Variants in CDK4 observed in about 807,000 individuals in gnomAD.
CDK4 encodes the protein cyclin dependent kinase 4, also known as cyclin-dependent kinase 4.
Under a neutral mutation model 36.7 loss-of-function variants are expected in CDK4, and 13 were observed. The observed-to-expected ratio is 0.35, with a 90% CI of 0.23 to 0.56. CDK4 has a LOEUF of 0.56. Among genes scored for constraint, CDK4 ranks in the 20% least tolerant of loss-of-function variants. The pLI is 0.85. For missense variants in CDK4, 285 were observed against 387.3 expected (o/e 0.74, Z 2.22); for synonymous variants, 158 against 146.4 (o/e 1.08, Z -0.57).
intron 5 of CDK4, 32 bp downstream of exon 5, chr12:57,750,624 T>A (rs1317278163): frequency 5.6e-6 from 8 of 1,440,712 alleles, no homozygotes; most frequent in Non-Finnish European, 6.9e-6. Flanking sequence ...TTTGGGGAAT[T>A]CAAGGTAGTC....
chr12:57,749,514 G>A lies in CDK4; in HGVS notation c.633-10C>T. 1 of 1,613,812 alleles carries A rather than the reference G, an allele frequency of 6.2e-7. No homozygotes were observed. The highest frequency in any genetic ancestry group is 1.1e-5 in the South Asian group (1 of 91,080). ...TCCACAGAAGAGAGGCCTAAGGTGAGAAGGGATATAAGGTAGCAGTCATTT... is the reference window on the plus strand; with the variant it reads ...TCCACAGAAGAGAGGCCTAAGGTGAAAAGGGATATAAGGTAGCAGTCATTT... On this transcript the variant is annotated splice_polypyrimidine_tract_variant and intron_variant, in intron 5 of 7. Coordinates refer to ENST00000257904, the MANE Select transcript of CDK4 (RefSeq NM_000075.4).
Position 57,749,294 on chromosome 12 carries a change from T to A in CDK4, c.707A>T (p.Asp236Val), listed in dbSNP as rs1403703683. 6.2e-7 allele frequency: 1 copy of A among 1,614,160 alleles called. No homozygotes were observed. The highest frequency in any genetic ancestry group is 1.7e-5 in the Admixed American group (1 of 60,022). Reference protein sequence around the residue: ...IFDLIGLPPEDDWPRDVSLPR... With the variant: ...IFDLIGLPPEVDWPRDVSLPR... ...CAGGGATACATCTCGAGGCCAGTCA[T>A]CCTCTGGAGGCAGCCCAATCAGGCT... Residue 236 changes from aspartate to valine, a missense_variant, in exon 7 of 8, where the codon GAT becomes GTT. Transcript: ENST00000257904.
chr12:57,750,513 G>T, intron 5 of CDK4, 143 bp downstream of exon 5: 1 of 728,148 alleles, frequency 1.4e-6, no homozygotes, highest in Non-Finnish European at 2.5e-6. Flanking sequence ...GCTGCAGTGA[G>T]CTGTGATCAT....
At chr12:57,748,915 A>G in intron 7 of CDK4, 1 of 557,582 alleles carries the variant, frequency 1.8e-6, no homozygotes. Context: ...CATGTTGGCC[A>G]GGCTGGTCTC....
intron 7 of CDK4, 68 bp downstream of exon 7, chr12:57,749,114 C>T (rs1013477812): frequency 1.3e-6 from 2 of 1,596,508 alleles, no homozygotes; most frequent in Non-Finnish European, 1.7e-6. Context: ...GGCCAGGGCC[C>T]TGCATACTGC....
intron 1 of CDK4, 89 bp downstream of exon 1, chr12:57,752,086 C>T: frequency 2.8e-6 from 1 of 359,022 alleles, no homozygotes; most frequent in South Asian, 2.4e-5. Context: ...TTGAGCGACC[C>T]TTCCATAACC....
Position 57,751,890 on chromosome 12 carries a change from TAACAC to T in CDK4, c.-19-159_-19-155del. On this transcript the variant is annotated intron_variant, in intron 1 of 7. Transcript: ENST00000257904. This position sits in a 1 kb window ranked among gnomAD's most constrained non-coding sequence, Gnocchi z 4.5. ...TCTTCCTTGGGGCCGGCCCCAGAGA[TAACAC>T]AATGACTCAATACCAACCCCTCCAG... 2 of 660,384 alleles carry T rather than the reference TAACAC, an allele frequency of 3.0e-6. No homozygotes were observed. The highest frequency in any genetic ancestry group is 2.7e-6 in the Non-Finnish European group (1 of 372,462). 40.9% of individuals were successfully genotyped at this position (660,384 alleles called of 1,614,324 possible).
chr12:57,752,014 T>TC (rs1349256640), intron 1 of CDK4, 161 bp downstream of exon 1: 1 of 480,994 alleles, frequency 2.1e-6, no homozygotes, highest in Non-Finnish European at 3.8e-6. Context: ...GCATCGAAGA[T>TC]CCTACACCTC....
rs1555201266 is a variant in CDK4, at chr12:57,750,676, A to G, written c.612T>C (p.Phe204=). 6.2e-7 allele frequency: 1 copy of G among 1,613,720 alleles called. No individual in the cohort carries two copies. Residue 204 remains phenylalanine, a synonymous_variant, in exon 5 of 8, where the codon TTT becomes TTC. Coordinates refer to ENST00000257904, the MANE Select transcript of CDK4 (RefSeq NM_000075.4). ...CATACTTTCGACGAAACATCTCTGC[A>G]AAGATACAGCCAACACTCCACATGT... is the stretch of plus-strand genomic sequence containing the variant. ...PVDMWSVGCI[F]AEMFRRKPLF... is the part of the protein sequence containing the mutation.
Position 57,750,987 on chromosome 12 carries a change from G to T in CDK4, c.458C>A (p.Thr153Lys), listed in dbSNP as rs1443076952. 1 of 1,614,044 alleles carries T rather than the reference G, an allele frequency of 6.2e-7. No homozygotes were observed. The highest frequency in any genetic ancestry group is 2.2e-5 in the East Asian group (1 of 44,874). Residue 153 changes from threonine (T) to lysine (K), a missense_variant, in exon 4 of 8, where the codon ACA (threonine) becomes AAA (lysine). Physicochemically the swap from Thr to Lys is moderately conservative, Grantham distance 78. Coordinates refer to ENST00000257904, the MANE Select transcript of CDK4 (RefSeq NM_000075.4). The stretch of plus-strand genomic sequence containing the variant: ...CAGGCCAAAGTCAGCCAGCTTGACT[G>T]TTCCACCACTTGTCACCAGAATGTT... ...PENILVTSGG[T>K]VKLADFGLAR...
chr12:57,748,264 T>A lies in CDK4; in HGVS notation c.*261A>T. On this transcript the variant is annotated 3_prime_UTR_variant, in exon 8 of 8. Transcript: ENST00000257904. ...CATTATTTCTTTGTTTTGTTTTTCCTGTATAAAAAAGGACCCCAAATATAA... is the reference window on the plus strand; with the variant it reads ...CATTATTTCTTTGTTTTGTTTTTCCAGTATAAAAAAGGACCCCAAATATAA... 7.6e-6 allele frequency: 3 copies of A among 394,348 alleles called. No individual in the cohort carries two copies. Among genetic ancestry groups the A allele is most frequent in the Non-Finnish European group, 1.4e-5 (3 of 213,686 alleles). The allele number at this position is 394,348 out of a possible 1,614,324, so 24.4% of individuals were successfully genotyped here.
At chr12:57,749,347 A>G (rs1955203661) in intron 6 of CDK4, 30 bp from the exon 7 acceptor site, 1 of 1,614,096 alleles carries the variant, frequency 6.2e-7, no homozygotes, top group Non-Finnish European at 8.5e-7. Flanking sequence ...TCTGGTCAGG[A>G]GGGTCCTCCA....
In CDK4 at chr12:57,752,265, A is replaced by G; in HGVS notation, c.-110T>C. 1 of 204,724 alleles carries G rather than the reference A, an allele frequency of 4.9e-6. No homozygotes were observed. Among genetic ancestry groups the G allele is most frequent in the Non-Finnish European group, 1.0e-5 (1 of 98,676 alleles). 12.7% of individuals were successfully genotyped at this position (204,724 alleles called of 1,614,324 possible). A position where few individuals can be genotyped will look rare whatever the true frequency, so the allele number is the denominator to read the frequency against. On this transcript the variant is annotated 5_prime_UTR_variant, in exon 1 of 8. Coordinates refer to ENST00000257904, the MANE Select transcript of CDK4 (RefSeq NM_000075.4). ...CCCCATACACCCGAGCTCGGTCCGG[A>G]GCAGCTGGACGCAGAGGGCCCGACC...
chr12:57,751,203 T>C lies in CDK4; in HGVS notation c.354+4A>G, dbSNP rs2140387174. On this transcript the variant is annotated splice_donor_region_variant and intron_variant, in intron 3 of 7. Coordinates refer to ENST00000257904, the MANE Select transcript of CDK4 (RefSeq NM_000075.4). This position sits in a 1 kb window ranked among gnomAD's most constrained non-coding sequence, Gnocchi z 4.5. ...ACCTCTCAATGCCTACCAACCCCACTCACCTTGATCGTTTCGGCTGGCAAG... is the reference window on the plus strand; with the variant it reads ...ACCTCTCAATGCCTACCAACCCCACCCACCTTGATCGTTTCGGCTGGCAAG... 6.2e-7 allele frequency: 1 copy of C among 1,614,134 alleles called. No homozygotes were observed. The highest frequency in any genetic ancestry group is 1.7e-5 in the Admixed American group (1 of 60,022).
chr12:57,751,888 G>A lies in CDK4; in HGVS notation c.-19-152C>T. ...AGTCTTCCTTGGGGCCGGCCCCAGA[G>A]ATAACACAATGACTCAATACCAACC... On this transcript the variant is annotated intron_variant, in intron 1 of 7. Transcript: ENST00000257904. This position sits in a 1 kb window ranked among gnomAD's most constrained non-coding sequence, Gnocchi z 4.5. The A allele has an allele frequency of 1.5e-6, 1 of 664,596 alleles. No homozygotes were observed. Among genetic ancestry groups the A allele is most frequent in the South Asian group, 1.7e-5 (1 of 58,538 alleles). The allele number at this position is 664,596 out of a possible 1,614,324, so 41.2% of individuals were successfully genotyped here.
In CDK4 at chr12:57,750,350, G is replaced by A. The variant is rs1027070193; in HGVS notation, c.632+306C>T. ...GGAGGTAGGGGTGGGAGGATTGCTT[G>A]AGTGCAAGAGTTCAAGACCAGCCTG... On this transcript the variant is annotated intron_variant, in intron 5 of 7. Transcript: ENST00000257904. 12 of 377,002 alleles carry A rather than the reference G, an allele frequency of 3.2e-5. No homozygotes were observed. The East Asian group carries it at 7.2e-4, about 22-fold the overall frequency. The allele number at this position is 377,002 out of a possible 1,614,324, so 23.4% of individuals were successfully genotyped here.
intron 5 of CDK4, chr12:57,749,933 GTTGC>G: frequency 3.7e-6 from 1 of 266,906 alleles, no homozygotes; most frequent in Admixed American, 5.0e-5. Context: ...GGAGGTGGAG[GTTGC>G]AGTGAGCAGA....
chr12:57,749,234 G>A lies in CDK4; in HGVS notation c.767C>T (p.Pro256Leu), dbSNP rs1234167326. 1.2e-6 allele frequency: 2 copies of A among 1,614,082 alleles called. No homozygotes were observed. The highest frequency in any genetic ancestry group is 1.7e-6 in the Non-Finnish European group (2 of 1,179,918). ...CATCTCAGGTACCACCGACTGCACT[G>A]GGCGGGGCCCTCTGGGGGGAAAGGC... ...RGAFPPRGPR[P>L]VQSVVPEMEE... Residue 256 changes from proline to leucine, a missense_variant, in exon 7 of 8, where the codon CCA (proline) becomes CTA (leucine). By Grantham distance (98) the Pro-to-Leu change is moderately conservative. Coordinates refer to ENST00000257904, the MANE Select transcript of CDK4 (RefSeq NM_000075.4).
rs1313336551 is a variant in CDK4, at chr12:57,751,834, A to C, written c.-19-98T>G. The C allele has an allele frequency of 5.4e-5, 45 of 829,396 alleles. No homozygotes were observed. Among genetic ancestry groups the C allele is most frequent in the Admixed American group, 2.9e-4 (14 of 48,124 alleles). The allele number at this position is 829,396 out of a possible 1,614,324, so 51.4% of individuals were successfully genotyped here. On this transcript the variant is annotated intron_variant, in intron 1 of 7. Coordinates refer to ENST00000257904, the MANE Select transcript of CDK4 (RefSeq NM_000075.4). The surrounding 1 kb of genome is among the most constrained non-coding windows in gnomAD (Gnocchi z 4.5). ...GACTCCCAAAAAAAAAGCGCAAAGAACACCACCAGCATCCCATCCCCCGCT... is the reference window on the plus strand; with the variant it reads ...GACTCCCAAAAAAAAAGCGCAAAGACCACCACCAGCATCCCATCCCCCGCT...
Sources: gnomAD v4.1 joint callset for allele counts on GRCh38, gnomAD v4.1.1 for gene constraint, Gnocchi (gnomAD v3.1) non-coding constraint, MANE v1.5 for transcripts, NCBI Gene and HGNC (gene_info 2026-07-23, HGNC 2026-07-21) for gene names.